The following ADAMTS12 variants were observed in gnomAD, a reference collection of about 807,000 sequenced individuals.
The protein encoded by ADAMTS12 is ADAM metallopeptidase with thrombospondin type 1 motif 12.
In ADAMTS12, 118 loss-of-function variants were observed where a neutral mutation model predicts 167.8. The ratio of observed to expected loss-of-function variants is 0.70; its 90% CI spans 0.61 to 0.82. The LOEUF is 0.82. ADAMTS12 is among the 40% of genes least tolerant of loss of function. ADAMTS12 has a pLI of 0.00. For missense variants in ADAMTS12, 1,916 were observed against 1,998.8 expected, an observed-to-expected ratio of 0.96 and a Z score of 0.79; for synonymous variants, 704 against 716.9, an observed-to-expected ratio of 0.98 and a Z score of 0.29.
chr5:33,534,290 T>C (rs1744261017), intron 23 of ADAMTS12, among the ~76,000 whole-genome samples: 1 of 146,956 alleles, frequency 6.8e-6, no homozygotes, highest in Non-Finnish European at 1.5e-5. Context: ...CTCAGGTTCC[T>C]GAGAAGGCAC....
In ADAMTS12 at chr5:33,881,420, C is replaced by T. The variant is rs768135654; in HGVS notation, c.188G>A (p.Ser63Asn). Residue 63 changes from serine to asparagine, a missense_variant, in exon 2 of 24, where the codon AGT (serine) becomes AAT (asparagine). By Grantham distance (46) the Ser-to-Asn change is conservative. Coordinates refer to ENST00000504830, the MANE Select transcript of ADAMTS12 (RefSeq NM_030955.4). The stretch of plus-strand genomic sequence containing the variant: ...CAAGCCATATGACAAAAAATGCCCA[C>T]TGGCATCTACTCGGACTGGACCCAC... Reference protein sequence around the residue: ...HVVGPVRVDASGHFLSYGLHY... With the variant: ...HVVGPVRVDANGHFLSYGLHY... 3.1e-6 allele frequency: 5 copies of T among 1,613,956 alleles called. No homozygotes were observed. Among genetic ancestry groups the T allele is most frequent in the African/African-American group, 2.7e-5 (2 of 74,916 alleles).
At chr5:33,800,891 A>C (rs1391225722) in intron 2 of ADAMTS12, among the ~76,000 whole-genome samples, 1 of 152,236 alleles carries the variant, frequency 6.6e-6, no homozygotes, top group Non-Finnish European at 1.5e-5. Flanking sequence ...CTTATATAAC[A>C]ACCAAAAAAA....
chr5:33,750,767 A>G (rs1296424270), intron 3 of ADAMTS12, among the ~76,000 whole-genome samples: 1 of 152,168 alleles, frequency 6.6e-6, no homozygotes, highest in Non-Finnish European at 1.5e-5. Flanking sequence ...AACTACCTGA[A>G]ATTATTTGGG....
At chr5:33,790,555 C>CAAAAAAA (rs35691545) in intron 2 of ADAMTS12, among the ~76,000 whole-genome samples, 4 of 104,758 alleles carry the variant, frequency 3.8e-5, no homozygotes, top group Non-Finnish European at 8.2e-5. Context: ...GACTCCATCT[C>CAAAAAAA]AAAAAAAAAA....
At chr5:33,687,610 G>A (rs967338349) in intron 3 of ADAMTS12, among the ~76,000 whole-genome samples, 2 of 152,176 alleles carry the variant, frequency 1.3e-5, no homozygotes, top group African/African-American at 4.8e-5. Flanking sequence ...CATCACTGGG[G>A]TTCAAGTAAT....
At chr5:33,530,597 CAGG>C (rs1487782795) in intron 23 of ADAMTS12, among the ~76,000 whole-genome samples, 2 of 152,174 alleles carry the variant, frequency 1.3e-5, no homozygotes, top group Non-Finnish European at 2.9e-5. Flanking sequence ...GGTTGCTGGC[CAGG>C]AGGAGAAAGA....
chr5:33,576,424 G>A lies in ADAMTS12; in HGVS notation c.3602C>T (p.Thr1201Ile), dbSNP rs76104812. 1,954 of 1,612,768 alleles carry A rather than the reference G, an allele frequency of 1.2e-3. 22 individuals carry two copies. In the African/African-American group the frequency reaches 0.023, roughly 19 times the overall value. Residue 1201 changes from threonine (T) to isoleucine (I), a missense_variant, in exon 19 of 24, where the codon ACA becomes ATA. Physicochemically the swap from Thr to Ile is moderately conservative, Grantham distance 89. Transcript: ENST00000504830. ...CCAGGACTCCCTGCTGAGATCTGGT[G>A]TTAGTGGAGGTGCAAGTGGCATTTC... Reference protein sequence around the residue: ...STEMPLAPPLTPDLSRESWWP... With the variant: ...STEMPLAPPLIPDLSRESWWP...
chr5:33,813,493 T>G (rs991335356), intron 2 of ADAMTS12, among the ~76,000 whole-genome samples: 4 of 152,180 alleles, frequency 2.6e-5, no homozygotes, highest in Non-Finnish European at 5.9e-5. Context: ...TGGAGTAGAT[T>G]TCTCCACCCC....
intron 14 of ADAMTS12, 21 bp from the exon 15 acceptor site, chr5:33,616,093 C>T (rs1306860261): frequency 1.9e-6 from 3 of 1,611,630 alleles, no homozygotes; most frequent in Non-Finnish European, 2.5e-6. Context: ...AAGACACAAT[C>T]ATGAAAGAGG....
chr5:33,602,350 T>C (rs765589733), intron 16 of ADAMTS12, among the ~76,000 whole-genome samples: 9 of 152,228 alleles, frequency 5.9e-5, no homozygotes, highest in Non-Finnish European at 1.2e-4. Context: ...TGTATATTAC[T>C]AGTAGATTAT....
chr5:33,612,902 T>C (rs1185487037), intron 16 of ADAMTS12, among the ~76,000 whole-genome samples: 2 of 152,240 alleles, frequency 1.3e-5, no homozygotes, highest in East Asian at 3.8e-4. Context: ...TATCACATAA[T>C]TTAATTTTAT....
intron 2 of ADAMTS12, among the ~76,000 whole-genome samples, chr5:33,821,831 T>C (rs1747881352): frequency 6.6e-6 from 1 of 152,210 alleles, no homozygotes; most frequent in African/African-American, 2.4e-5. Context: ...ATCCTCTTAA[T>C]GAAAGGTTTT....
intron 2 of ADAMTS12, among the ~76,000 whole-genome samples, chr5:33,808,358 G>A (rs1181243195): frequency 6.6e-6 from 1 of 152,136 alleles, no homozygotes; most frequent in East Asian, 1.9e-4. Flanking sequence ...TCTCCGTTAT[G>A]CCCCATGCCA....
chr5:33,542,470 C>T (rs1744755755), intron 22 of ADAMTS12, among the ~76,000 whole-genome samples: 1 of 152,192 alleles, frequency 6.6e-6, no homozygotes, highest in South Asian at 2.1e-4. Context: ...AGAAGGTTAA[C>T]AAGGATATCC....
Position 33,576,671 on chromosome 5 carries a change from G to A in ADAMTS12, c.3355C>T (p.Leu1119Phe), listed in dbSNP as rs139710230. 6.1e-5 allele frequency: 99 copies of A among 1,614,212 alleles called. No homozygotes were observed. The South Asian group carries it at 8.6e-4, about 14-fold the overall frequency. The change falls in exon 19 of 24, where the codon CTT (leucine) becomes TTT (phenylalanine). Residue 1119 changes from leucine (L) to phenylalanine (F), a missense_variant. Leu to Phe is a conservative substitution (Grantham distance 22, BLOSUM62 0). Coordinates refer to ENST00000504830, the MANE Select transcript of ADAMTS12 (RefSeq NM_030955.4). The part of the protein sequence containing the change: ...SDTGPTSEGG[L>F]VATTTSGSGL... ...GAACCACTTGTTGTTGTAGCTACAA[G>A]GCCTCCCTCCGAGGTAGGACCAGTA...
intron 17 of ADAMTS12, among the ~76,000 whole-genome samples, chr5:33,592,790 A>G (rs1404745098): frequency 6.6e-6 from 1 of 152,208 alleles, no homozygotes; most frequent in East Asian, 1.9e-4. Flanking sequence ...CCATAAATAA[A>G]TAAGATTAAA....
At chr5:33,775,780 A>G (rs1371980953) in intron 2 of ADAMTS12, among the ~76,000 whole-genome samples, 1 of 152,048 alleles carries the variant, frequency 6.6e-6, no homozygotes, top group Admixed American at 6.6e-5. Context: ...CTGGGATCTG[A>G]GTGTTTGTGT....
chr5:33,801,653 C>T (rs1208948998), intron 2 of ADAMTS12, among the ~76,000 whole-genome samples: 2 of 152,200 alleles, frequency 1.3e-5, no homozygotes, highest in Non-Finnish European at 2.9e-5. Context: ...GAAACATTTA[C>T]TAAGCACTTA....
intron 2 of ADAMTS12, among the ~76,000 whole-genome samples, chr5:33,804,189 A>T (rs1211284714): frequency 3.3e-5 from 5 of 152,192 alleles, no homozygotes. Flanking sequence ...GCCACAGTAG[A>T]TTAAGTTATT....
Sources: gnomAD v4.1 joint callset for allele counts (sites outside exome capture counted in the v4.1 genomes callset) on GRCh38, gnomAD v4.1.1 for gene constraint, MANE v1.5 for transcripts, NCBI Gene and HGNC (gene_info 2026-07-23, HGNC 2026-07-21) for gene names.